The following CCDC141 variants were observed in gnomAD, a reference collection of about 807,000 sequenced individuals.
The protein encoded by CCDC141 is coiled-coil domain-containing protein 141.
A neutral mutation model predicts 181.0 loss-of-function variants in CCDC141; 168 were observed. The observed-to-expected ratio is 0.93, with a 90% CI of 0.82 to 1.05. CCDC141 has a LOEUF of 1.05. Ranked by LOEUF, CCDC141 falls within the 50% of genes least tolerant of loss-of-function variation. The probability of loss-of-function intolerance (pLI) is 0.00; values close to 1 mark genes in which losing one functional copy is unlikely to be tolerated. For missense variants in CCDC141, 1,902 were observed against 1,788.5 expected (o/e 1.06, Z -1.14); for synonymous variants, 666 against 642.3 (o/e 1.04, Z -0.56).
In CCDC141 at chr2:178,886,802, C is replaced by T. The variant is rs1686907522; in HGVS notation, c.1477G>A (p.Glu493Lys). Residue 493 changes from glutamate to lysine, a missense_variant, in exon 10 of 24, where the codon GAA (glutamate) becomes AAA (lysine). By Grantham distance (56) the Glu-to-Lys change is moderately conservative (BLOSUM62 1). Coordinates refer to ENST00000443758, the MANE Select transcript of CCDC141 (RefSeq NM_173648.4). Reference protein sequence around the residue: ...NAMDVGSTRSESEKILNKYLE... With the variant: ...NAMDVGSTRSKSEKILNKYLE... ...TATTTATTCAAAATCTTCTCTGATTCAGAACGGGTAGAACCAACATCCATT... is the reference window on the plus strand; with the variant it reads ...TATTTATTCAAAATCTTCTCTGATTTAGAACGGGTAGAACCAACATCCATT... 1.4e-6 allele frequency: 2 copies of T among 1,479,636 alleles called. No homozygotes were observed. Among genetic ancestry groups the T allele is most frequent in the Non-Finnish European group, 1.8e-6 (2 of 1,112,742 alleles). The allele number at this position is 1,479,636 out of a possible 1,614,324, so 91.7% of individuals were successfully genotyped here.
At chr2:178,901,566 C>T (rs996945360) in intron 8 of CCDC141, among the ~76,000 whole-genome samples, 4 of 152,088 alleles carry the variant, frequency 2.6e-5, no homozygotes, top group African/African-American at 9.7e-5. Flanking sequence ...AACCTTCATG[C>T]TAAAAATTCT....
intron 2 of CCDC141, among the ~76,000 whole-genome samples, chr2:178,997,618 G>C (rs1029448590): frequency 6.6e-6 from 1 of 152,044 alleles, no homozygotes; most frequent in Admixed American, 6.6e-5. Context: ...TGATTGGAGG[G>C]GCTTGAGGAA....
At chr2:178,872,719 A>C (rs577583798) in intron 12 of CCDC141, among the ~76,000 whole-genome samples, 1 of 152,312 alleles carries the variant, frequency 6.6e-6, no homozygotes, top group Admixed American at 6.5e-5. Flanking sequence ...GTATCAAGGC[A>C]TAGGAGGGGA....
intron 2 of CCDC141, among the ~76,000 whole-genome samples, chr2:179,015,454 A>ACCATATATATCTCATATATGTG (rs771185722): frequency 0.026 from 2,555 of 97,022 alleles, 119 homozygotes; most frequent in South Asian, 0.038. Context: ...TCATATATGT[A>ACCATATATATCTCATATATGTG]CCATATATAT....
chr2:178,979,107 G>GT (rs1189449720), intron 2 of CCDC141, among the ~76,000 whole-genome samples: 16 of 152,252 alleles, frequency 1.1e-4, no homozygotes, highest in African/African-American at 3.6e-4. Flanking sequence ...TAATATGACC[G>GT]TGACGATTAA....
chr2:178,887,302 G>A (rs142621514), intron 9 of CCDC141, among the ~76,000 whole-genome samples: 20 of 152,252 alleles, frequency 1.3e-4, no homozygotes, highest in African/African-American at 4.6e-4. Context: ...TTTGGGAAGA[G>A]GGACTCTGGG....
intron 2 of CCDC141, among the ~76,000 whole-genome samples, chr2:179,013,400 C>G (rs901653052): frequency 6.6e-6 from 1 of 151,984 alleles, no homozygotes; most frequent in African/African-American, 2.4e-5. Flanking sequence ...TAGGAATATA[C>G]CAACCAAGGA....
At chr2:178,915,148 C>T (rs999467262) in intron 7 of CCDC141, among the ~76,000 whole-genome samples, 9 of 150,716 alleles carry the variant, frequency 6.0e-5, no homozygotes, top group African/African-American at 2.0e-4. Context: ...ACTTCAGCCT[C>T]GGTGACAGTG....
At chr2:178,930,348 G>A (rs909176675) in intron 6 of CCDC141, among the ~76,000 whole-genome samples, 4 of 152,064 alleles carry the variant, frequency 2.6e-5, no homozygotes, top group Admixed American at 6.5e-5. Context: ...TCATGAATTG[G>A]AGAACTTAAT....
chr2:178,863,996 A>G (rs1685729931), intron 17 of CCDC141, among the ~76,000 whole-genome samples: 1 of 152,148 alleles, frequency 6.6e-6, no homozygotes, highest in African/African-American at 2.4e-5. Context: ...GGCAGTCCCT[A>G]TAAATAGAAT....
intron 4 of CCDC141, among the ~76,000 whole-genome samples, chr2:178,965,437 T>C (rs1001558998): frequency 6.6e-5 from 10 of 152,304 alleles, no homozygotes; most frequent in African/African-American, 9.6e-5. Context: ...GTTCATCTCA[T>C]TGGTACTCGT....
chr2:178,891,069 T>C (rs1004071321), intron 8 of CCDC141, among the ~76,000 whole-genome samples: 6 of 152,156 alleles, frequency 3.9e-5, no homozygotes, highest in African/African-American at 1.4e-4. Flanking sequence ...TAATTTCAAG[T>C]CTCTTTGCTA....
chr2:178,888,257 T>C lies in CCDC141; in HGVS notation c.1407+270A>G, dbSNP rs73973181. ...GATCCACTCTATTCCCATCTGTACT[T>C]GGTTCAGTTAACACAGTACTGTGCA... On this transcript the variant is annotated intron_variant, in intron 9 of 23. Transcript: ENST00000443758. Among the ~76,000 whole-genome samples the C allele has an allele frequency of 0.088, 13,369 of 152,234 alleles. 1,591 individuals are homozygous for C. Among genetic ancestry groups the C allele is most frequent in the East Asian group, 0.66 (3,406 of 5,170 alleles).
intron 2 of CCDC141, among the ~76,000 whole-genome samples, chr2:179,015,374 T>TAC (rs1280024321): frequency 5.3e-4 from 66 of 124,802 alleles, no homozygotes; most frequent in African/African-American, 1.8e-3. Context: ...ATATGTATCA[T>TAC]ATATATCTCA....
At chr2:178,869,597 T>C (rs1444887798) in intron 14 of CCDC141, among the ~76,000 whole-genome samples, 1 of 152,240 alleles carries the variant, frequency 6.6e-6, no homozygotes, top group African/African-American at 2.4e-5. Context: ...AAATATTCTA[T>C]TCATCTGTTA....
intron 15 of CCDC141, 50 bp downstream of exon 15, chr2:178,869,067 T>C: frequency 7.7e-7 from 1 of 1,292,788 alleles, no homozygotes; most frequent in Non-Finnish European, 1.0e-6. Flanking sequence ...TCATTTTTAA[T>C]TGCATAGTTT....
At chr2:179,034,916 T>A (rs1159325773) in intron 2 of CCDC141, among the ~76,000 whole-genome samples, 1 of 152,208 alleles carries the variant, frequency 6.6e-6, no homozygotes, top group Non-Finnish European at 1.5e-5. Context: ...ACCATTTGAT[T>A]TCCACGTAAA....
chr2:178,859,865 A>G (rs1273472699), intron 17 of CCDC141, among the ~76,000 whole-genome samples: 1 of 152,164 alleles, frequency 6.6e-6, no homozygotes, highest in Admixed American at 6.5e-5. Context: ...AAAGAGGCTG[A>G]TGCCAAGTGA....
intron 11 of CCDC141, among the ~76,000 whole-genome samples, chr2:178,882,950 T>C (rs1488503781): frequency 1.3e-5 from 2 of 151,906 alleles, no homozygotes; most frequent in Admixed American, 6.6e-5. Flanking sequence ...AGTGAAGTAA[T>C]GTACGGGGAG....
Sources: allele counts gnomAD v4.1 joint callset (sites outside exome capture counted in the v4.1 genomes callset), GRCh38; gene constraint gnomAD v4.1.1; transcripts MANE v1.5; gene names NCBI Gene and HGNC (gene_info 2026-07-23, HGNC 2026-07-21).